RRP15: variants seen among roughly 807,000 people sequenced by gnomAD.
RRP15 encodes ribosomal RNA processing 15 homolog, also known as RRP15-like protein.
Under a neutral mutation model 27.1 loss-of-function variants are expected in RRP15, and 18 were observed. The observed-to-expected ratio is 0.66, with a 90% CI of 0.46 to 0.98. The LOEUF is 0.98. RRP15 is among the 50% of genes least tolerant of loss of function. The probability of loss-of-function intolerance (pLI) is 0.00; values close to 1 mark genes in which losing one functional copy is unlikely to be tolerated. For missense variants in RRP15, 359 were observed against 337.8 expected (o/e 1.06, Z -0.49); for synonymous variants, 107 against 109.4 (o/e 0.98, Z 0.14).
intron 4 of RRP15, among the ~76,000 whole-genome samples, chr1:218,308,062 CTTTTTT>C (rs56813511): frequency 2.5e-4 from 17 of 66,928 alleles, no homozygotes; most frequent in South Asian, 7.1e-4. Context: ...TTCTTTCTTT[CTTTTTT>C]TTTTTTTTTT....
chr1:218,329,448 TC>T (rs1216422143), intron 4 of RRP15, among the ~76,000 whole-genome samples: 2 of 151,836 alleles, frequency 1.3e-5, no homozygotes, highest in East Asian at 3.9e-4. Flanking sequence ...TAGCTAACAA[TC>T]TAATAGAAGT....
At position 218,336,791 on chromosome 1, in the gene RRP15, G is replaced by A. The variant is rs958965206; in HGVS notation, c.*5700G>A. 2.6e-5 allele frequency: 4 copies of A among 152,174 alleles called. No individual in the cohort carries two copies. The highest frequency in any genetic ancestry group is 5.9e-5 in the Non-Finnish European group (4 of 68,042). 9.4% of individuals were successfully genotyped at this position (152,174 alleles called of 1,614,324 possible). ...AAATATAAAAGCTCAAAGTCCAAAA[G>A]GTTCAATGTGATGATATCCTTCTCT... is the stretch of plus-strand genomic sequence containing the variant. On this transcript the variant is annotated 3_prime_UTR_variant, in exon 5 of 5. Coordinates refer to ENST00000366932, the MANE Select transcript of RRP15 (RefSeq NM_016052.4).
At chr1:218,313,998 T>A (rs1374389282) in intron 4 of RRP15, among the ~76,000 whole-genome samples, 1 of 151,442 alleles carries the variant, frequency 6.6e-6, no homozygotes, top group Non-Finnish European at 1.5e-5. Context: ...TTTTATTTTA[T>A]TTTATTTTAT....
Position 218,330,983 on chromosome 1 carries a change from G to A in RRP15, c.741G>A (p.Thr247=), listed in dbSNP as rs763400227. 2.1e-5 allele frequency: 34 copies of A among 1,612,992 alleles called. No homozygotes were observed. The highest frequency in any genetic ancestry group is 1.1e-4 in the South Asian group (10 of 90,978). ...EVKSEEGPGW[T]ILRDDFMMGA... ...AATCAGAAGAAGGCCCAGGTTGGAC[G>A]ATCCTACGTGATGATTTCATGATGG... Residue 247 remains threonine (T), a synonymous_variant, in exon 5 of 5, where the codon ACG becomes ACA. Transcript: ENST00000366932.
At chr1:218,317,056 CTTACAAGAAT>C (rs1178026255) in intron 4 of RRP15, among the ~76,000 whole-genome samples, 1 of 152,184 alleles carries the variant, frequency 6.6e-6, no homozygotes, top group East Asian at 1.9e-4. Flanking sequence ...AACTGTATTA[CTTACAAGAAT>C]TTACTTATTA....
intron 1 of RRP15, among the ~76,000 whole-genome samples, chr1:218,285,853 T>A (rs1326213586): frequency 6.6e-6 from 1 of 152,112 alleles, no homozygotes; most frequent in African/African-American, 2.4e-5. Flanking sequence ...GGGGGTGTAC[T>A]TGACTTTTTG....
chr1:218,301,713 A>G (rs1464586091), intron 1 of RRP15: 1 of 152,106 alleles, frequency 6.6e-6, no homozygotes, highest in Non-Finnish European at 1.5e-5. Flanking sequence ...TTTTTTTCCA[A>G]AAATGTTAAA....
chr1:218,315,930 T>C (rs1656083711), intron 4 of RRP15, among the ~76,000 whole-genome samples: 2 of 152,192 alleles, frequency 1.3e-5, no homozygotes, highest in Non-Finnish European at 2.9e-5. Context: ...TTAATGTTTG[T>C]TTACTGAAAA....
chr1:218,303,386 T>C (rs1655844121), intron 2 of RRP15, among the ~76,000 whole-genome samples: 1 of 152,244 alleles, frequency 6.6e-6, no homozygotes, highest in Non-Finnish European at 1.5e-5. Context: ...TGTTTCAAGA[T>C]GAATGTTTTC....
At chr1:218,320,348 A>T (rs948648997) in intron 4 of RRP15, among the ~76,000 whole-genome samples, 1 of 151,954 alleles carries the variant, frequency 6.6e-6, no homozygotes, top group African/African-American at 2.4e-5. Context: ...ACTGAGAATG[A>T]TGATTTCCAG....
rs1326651453 is a variant in RRP15 at position 218,307,614 on chromosome 1, G to C, written c.687G>C (p.Lys229Asn). 1 of 1,613,402 alleles carries C rather than the reference G, an allele frequency of 6.2e-7. No individual in the cohort carries two copies. Among genetic ancestry groups the C allele is most frequent in the Admixed American group, 1.7e-5 (1 of 59,954 alleles). ...CAAATGAGACTGCTTCAAGCAGGAA[G>C]AAACCAAAAGCCAAACAGGTAAAAA... ...GSTNETASSR[K>N]KPKAKQTEVK... The change falls in exon 4 of 5, where the codon AAG becomes AAC. Residue 229 changes from lysine to asparagine, a missense_variant. Physicochemically the swap from Lys to Asn is moderately conservative, Grantham distance 94. Transcript: ENST00000366932.
chr1:218,285,568 C>T (rs1295181994), intron 1 of RRP15, 113 bp downstream of exon 1: 19 of 1,432,334 alleles, frequency 1.3e-5, no homozygotes, highest in East Asian at 2.3e-5. Context: ...TATCTTGGCA[C>T]CACTTCAGAG....
intron 1 of RRP15, among the ~76,000 whole-genome samples, chr1:218,294,939 A>C (rs1655698352): frequency 6.6e-6 from 1 of 152,164 alleles, no homozygotes; most frequent in African/African-American, 2.4e-5. Flanking sequence ...ACAGAAGGTA[A>C]AGTGCTACAG....
intron 4 of RRP15, among the ~76,000 whole-genome samples, chr1:218,323,622 A>G (rs1253506515): frequency 6.6e-6 from 1 of 152,148 alleles, no homozygotes; most frequent in African/African-American, 2.4e-5. Flanking sequence ...TTCTACCCAG[A>G]AGCCTGTCTG....
At chr1:218,322,931 G>A (rs1487365970) in intron 4 of RRP15, among the ~76,000 whole-genome samples, 2 of 152,174 alleles carry the variant, frequency 1.3e-5, no homozygotes, top group African/African-American at 4.8e-5. Flanking sequence ...ACTGAACACA[G>A]CCAGGCATGC....
Position 218,305,145 on chromosome 1 carries a change from C to T in RRP15, c.503+20C>T. The T allele has an allele frequency of 1.3e-6, 2 of 1,574,212 alleles. No individual in the cohort carries two copies. Among genetic ancestry groups the T allele is most frequent in the Non-Finnish European group, 1.7e-6 (2 of 1,147,120 alleles). Reference sequence around the variant, plus strand: ...AACAAGGTAAGGTAGTGTTTTTGCCCTTTAAAAAATAAGTATACTAAAGCT... The same window carrying T: ...AACAAGGTAAGGTAGTGTTTTTGCCTTTTAAAAAATAAGTATACTAAAGCT... On this transcript the variant is annotated intron_variant, in intron 3 of 4. Transcript: ENST00000366932.
intron 4 of RRP15, among the ~76,000 whole-genome samples, chr1:218,326,105 G>C (rs1656267051): frequency 6.6e-6 from 1 of 152,154 alleles, no homozygotes; most frequent in South Asian, 2.1e-4. Context: ...AGTAGTTTGA[G>C]ACCAGTTTGG....
At chr1:218,305,361 A>G (rs1198369431) in intron 3 of RRP15, among the ~76,000 whole-genome samples, 1 of 152,190 alleles carries the variant, frequency 6.6e-6, no homozygotes, top group Middle Eastern at 3.2e-3. Context: ...TTGTTTTTAT[A>G]GTCACGAGAA....
At chr1:218,323,102 A>G (rs1656214198) in intron 4 of RRP15, among the ~76,000 whole-genome samples, 1 of 152,162 alleles carries the variant, frequency 6.6e-6, no homozygotes, top group African/African-American at 2.4e-5. Flanking sequence ...CAGAGCCCTA[A>G]AGAGGTGTCA....
Sources: gnomAD v4.1 joint callset for allele counts (sites outside exome capture counted in the v4.1 genomes callset) on GRCh38, gnomAD v4.1.1 for gene constraint, MANE v1.5 for transcripts, NCBI Gene and HGNC (gene_info 2026-07-23, HGNC 2026-07-21) for gene names.